Variants in KCNT2 observed in about 807,000 individuals in gnomAD.
KCNT2 encodes potassium sodium-activated channel subfamily T member 2, also known as potassium channel subfamily T member 2.
A neutral mutation model predicts 153.8 loss-of-function variants in KCNT2; 67 were observed. The observed-to-expected ratio is 0.44, with a 90% CI of 0.36 to 0.53. KCNT2 has a LOEUF of 0.53. KCNT2 is among the 20% of genes least tolerant of loss of function. The pLI is 0.00. For synonymous variants in KCNT2, 500 were observed against 458.8 expected (o/e 1.09, Z -1.15); for missense variants, 975 against 1,354.8 (o/e 0.72, Z 4.40).
At chr1:196,387,080 CTTGA>C (rs1670058404) in intron 13 of KCNT2, among the ~76,000 whole-genome samples, 1 of 151,842 alleles carries the variant, frequency 6.6e-6, no homozygotes, top group Non-Finnish European at 1.5e-5. Context: ...ATTAATTATG[CTTGA>C]TTATTTGGAT....
At chr1:196,501,108 G>GT (rs1206009435) in intron 1 of KCNT2, among the ~76,000 whole-genome samples, 1 of 152,208 alleles carries the variant, frequency 6.6e-6, no homozygotes, top group Non-Finnish European at 1.5e-5. Context: ...TGGGAGGAAT[G>GT]TAAGTTAGTA....
intron 8 of KCNT2, among the ~76,000 whole-genome samples, chr1:196,443,388 A>T (rs1675414558): frequency 6.6e-6 from 1 of 151,500 alleles, no homozygotes; most frequent in Non-Finnish European, 1.5e-5. Context: ...CCTCAGCTTG[A>T]TTCTCCTTGC....
intron 13 of KCNT2, among the ~76,000 whole-genome samples, chr1:196,393,457 C>A (rs1040560209): frequency 2.0e-4 from 30 of 151,598 alleles, no homozygotes; most frequent in African/African-American, 7.0e-4. Context: ...GACTAGGAGA[C>A]AAACAGCAAA....
intron 5 of KCNT2, among the ~76,000 whole-genome samples, chr1:196,473,620 C>T (rs567814492): frequency 1.4e-4 from 22 of 152,192 alleles, no homozygotes; most frequent in African/African-American, 3.6e-4. Flanking sequence ...AAAATAAATG[C>T]GTCTCTTTTC....
chr1:196,492,394 T>C, intron 1 of KCNT2, 53 bp from the exon 2 acceptor site: 5 of 1,165,868 alleles, frequency 4.3e-6, no homozygotes, highest in Non-Finnish European at 2.2e-6. Context: ...CATATCTTTA[T>C]TTTCATGAAG....
At chr1:196,528,710 G>A in intron 1 of KCNT2, among the ~76,000 whole-genome samples, 1 of 152,050 alleles carries the variant, frequency 6.6e-6, no homozygotes, top group East Asian at 1.9e-4. Flanking sequence ...ATAAAAATTG[G>A]TTAACACTTC....
intron 1 of KCNT2, among the ~76,000 whole-genome samples, chr1:196,592,152 T>A (rs1401381463): frequency 6.6e-6 from 1 of 152,054 alleles, no homozygotes; most frequent in African/African-American, 2.4e-5. Flanking sequence ...GAAAATGTGG[T>A]ACATATACAC....
At chr1:196,457,541 T>TC (rs988129732) in intron 8 of KCNT2, among the ~76,000 whole-genome samples, 24 of 144,436 alleles carry the variant, frequency 1.7e-4, no homozygotes, top group African/African-American at 5.8e-4. Context: ...AAAAAGCAAC[T>TC]CCCTGAAGTC....
At chr1:196,339,312 G>A (rs1041496831) in intron 16 of KCNT2, among the ~76,000 whole-genome samples, 1 of 152,082 alleles carries the variant, frequency 6.6e-6, no homozygotes, top group Non-Finnish European at 1.5e-5. Flanking sequence ...AGAGGAACAT[G>A]GTGACCTTGC....
chr1:196,262,483 C>T (rs16839685), intron 25 of KCNT2, among the ~76,000 whole-genome samples: 2 of 151,824 alleles, frequency 1.3e-5, no homozygotes, highest in African/African-American at 2.4e-5. Context: ...GCTAGTTTAA[C>T]ATTTTCTCAA....
intron 14 of KCNT2, among the ~76,000 whole-genome samples, chr1:196,364,819 T>C (rs1667903975): frequency 6.6e-6 from 1 of 152,104 alleles, no homozygotes; most frequent in Non-Finnish European, 1.5e-5. Flanking sequence ...CTAGATCTGC[T>C]GTTTGAACTT....
chr1:196,487,555 A>T (rs1353224383), intron 3 of KCNT2, among the ~76,000 whole-genome samples: 1 of 151,976 alleles, frequency 6.6e-6, no homozygotes, highest in Non-Finnish European at 1.5e-5. Flanking sequence ...ATGCTTTTAA[A>T]TTTTTGAGAT....
intron 1 of KCNT2, among the ~76,000 whole-genome samples, chr1:196,595,081 GAAT>G (rs1163109501): frequency 6.6e-6 from 1 of 151,916 alleles, no homozygotes; most frequent in African/African-American, 2.4e-5. Context: ...AACAGACCTG[GAAT>G]AATGAGCTAT....
chr1:196,390,845 T>A (rs185592430), intron 13 of KCNT2, among the ~76,000 whole-genome samples: 1 of 150,734 alleles, frequency 6.6e-6, no homozygotes, highest in East Asian at 2.0e-4. Flanking sequence ...ATAAGAATTG[T>A]CATCTCCACT....
intron 25 of KCNT2, among the ~76,000 whole-genome samples, chr1:196,277,444 A>G (rs553527615): frequency 6.6e-6 from 1 of 152,160 alleles, no homozygotes; most frequent in South Asian, 2.1e-4. Context: ...CTTTTAACTT[A>G]GCGTTCAGAA....
intron 1 of KCNT2, among the ~76,000 whole-genome samples, chr1:196,534,274 G>A (rs928845251): frequency 7.2e-5 from 11 of 152,078 alleles, no homozygotes; most frequent in African/African-American, 2.7e-4. Context: ...ATCTTAAATA[G>A]CAGTATTGTT....
intron 1 of KCNT2, among the ~76,000 whole-genome samples, chr1:196,570,067 TAAA>T (rs199836975): frequency 1.8e-4 from 24 of 133,734 alleles, no homozygotes; most frequent in African/African-American, 8.0e-4. Context: ...TGAGCTAGAG[TAAA>T]AAAAAAAAAA....
At chr1:196,402,389 A>G (rs575091800) in intron 12 of KCNT2, among the ~76,000 whole-genome samples, 2 of 151,756 alleles carry the variant, frequency 1.3e-5, no homozygotes, top group African/African-American at 2.4e-5. Context: ...TCTAACAACA[A>G]TAACATAAGA....
intron 1 of KCNT2, among the ~76,000 whole-genome samples, chr1:196,531,126 A>G (rs1428707143): frequency 6.6e-6 from 1 of 152,098 alleles, no homozygotes; most frequent in Non-Finnish European, 1.5e-5. Flanking sequence ...TGAGAAGTCT[A>G]TGGGGAGTTG....
Sources: gnomAD v4.1 joint callset for allele counts (sites outside exome capture counted in the v4.1 genomes callset) on GRCh38, gnomAD v4.1.1 for gene constraint, MANE v1.5 for transcripts, NCBI Gene and HGNC (gene_info 2026-07-23, HGNC 2026-07-21) for gene names.